The following PRDM6 variants were observed in gnomAD, a reference collection of about 807,000 sequenced individuals.
The protein encoded by PRDM6 is PR/SET domain 6.
In PRDM6, 25 loss-of-function variants were observed where a neutral mutation model predicts 60.8. The observed-to-expected ratio is 0.41, with a 90% CI of 0.30 to 0.57. The LOEUF is 0.57. PRDM6 is among the 20% of genes least tolerant of loss of function. The pLI, the probability that PRDM6 is intolerant of heterozygous loss-of-function variation, is 0.27. For synonymous variants in PRDM6, 407 were observed against 357.4 expected, an observed-to-expected ratio of 1.14 and a Z score of -1.57; for missense variants, 839 against 821.3, an observed-to-expected ratio of 1.02 and a Z score of -0.26.
rs1211791710 is a variant in PRDM6 at position 123,173,608 on chromosome 5, G to C, written c.1496+2500G>C. 2.4e-5 allele frequency: 4 copies of C among 166,398 alleles called. No homozygotes were observed. In the Admixed American group the frequency reaches 2.6e-4, roughly 11 times the overall value. 10.3% of individuals were successfully genotyped at this position (166,398 alleles called of 1,614,324 possible). ...GGTGTTCACCATCATTCTTGAATAA[G>C]TTAAAATAAAAAATTACTTCAAAAG... On this transcript the variant is annotated intron_variant, in intron 6 of 7. Coordinates refer to ENST00000407847, the MANE Select transcript of PRDM6 (RefSeq NM_001136239.4).
chr5:123,122,164 C>CAAAAAAA lies in PRDM6; in HGVS notation c.900+22219_900+22225dup, dbSNP rs138619125. Among the ~76,000 whole-genome samples the CAAAAAAA allele has an allele frequency of 1.0e-4, 10 of 98,884 alleles. 1 individual carries two copies. Among genetic ancestry groups the CAAAAAAA allele is most frequent in the Admixed American group, 1.4e-4 (1 of 7,024 alleles). 64.9% of individuals were successfully genotyped at this position (98,884 alleles called of 152,430 possible). On this transcript the variant is annotated intron_variant, in intron 3 of 7. Transcript: ENST00000407847. ...GGCGACAGTGCGAGACTCCATCTGA[C>CAAAAAAA]AAAAAAAAAAAAAAAAAAAAAAGAA...
At chr5:123,169,871 G>A (rs1324896750) in intron 5 of PRDM6, among the ~76,000 whole-genome samples, 1 of 152,132 alleles carries the variant, frequency 6.6e-6, no homozygotes, top group Non-Finnish European at 1.5e-5. Context: ...CTAATAAGAG[G>A]AAGAGGCAGG....
intron 2 of PRDM6, among the ~76,000 whole-genome samples, chr5:123,091,591 C>G (rs1235928038): frequency 1.3e-5 from 2 of 152,200 alleles, no homozygotes; most frequent in African/African-American, 4.8e-5. Context: ...ATACCTGCTT[C>G]TTTTTGATAA....
intron 7 of PRDM6, among the ~76,000 whole-genome samples, chr5:123,186,188 A>G (rs1406800773): frequency 6.6e-6 from 1 of 152,156 alleles, no homozygotes; most frequent in Non-Finnish European, 1.5e-5. Flanking sequence ...TACACACACA[A>G]TCACAATCAG....
chr5:123,137,140 T>C (rs1414979292), intron 3 of PRDM6, among the ~76,000 whole-genome samples: 1 of 152,222 alleles, frequency 6.6e-6, no homozygotes, highest in Non-Finnish European at 1.5e-5. Flanking sequence ...GTGTTTGCTG[T>C]CATTTCACAA....
rs573354042 is a variant in PRDM6, at chr5:123,099,583, C to G, written c.593-71C>G. On this transcript the variant is annotated intron_variant, in intron 2 of 7. Transcript: ENST00000407847. The surrounding 1 kb of genome is among the most constrained non-coding windows in gnomAD (Gnocchi z 4.0). The stretch of plus-strand genomic sequence containing the variant: ...GTGATGCTGTTGTCTCGGGAGTTTA[C>G]TCAAAGATGGGCCGCTCGGGGCGGC... 448 of 1,368,732 alleles carry G rather than the reference C, an allele frequency of 3.3e-4. No homozygotes were observed. Among genetic ancestry groups the G allele is most frequent in the Middle Eastern group, 8.1e-4 (3 of 3,722 alleles). 84.8% of individuals were successfully genotyped at this position (1,368,732 alleles called of 1,614,324 possible). A position where few individuals can be genotyped will look rare whatever the true frequency, so the allele number is the denominator to read the frequency against.
intron 3 of PRDM6, among the ~76,000 whole-genome samples, chr5:123,137,991 T>C (rs1002240830): frequency 2.0e-5 from 3 of 149,512 alleles, no homozygotes; most frequent in African/African-American, 7.4e-5. Context: ...CGAATGCTGA[T>C]GCTGAAGTAT....
intron 3 of PRDM6, among the ~76,000 whole-genome samples, chr5:123,111,453 C>T (rs895255296): frequency 1.3e-5 from 2 of 152,216 alleles, no homozygotes; most frequent in African/African-American, 4.8e-5. Context: ...AATCCCAACA[C>T]TTTGGGAGGC....
chr5:123,128,469 C>A (rs1256735634), intron 3 of PRDM6, among the ~76,000 whole-genome samples: 1 of 152,224 alleles, frequency 6.6e-6, no homozygotes, highest in Non-Finnish European at 1.5e-5. Flanking sequence ...TTGTAACTGG[C>A]GTGAGATGGT....
At chr5:123,117,019 A>C (rs443796) in intron 3 of PRDM6, among the ~76,000 whole-genome samples, 1 of 152,062 alleles carries the variant, frequency 6.6e-6, no homozygotes, top group African/African-American at 2.4e-5. Flanking sequence ...TTGTACCCTA[A>C]TAAGCTGGCT....
intron 3 of PRDM6, among the ~76,000 whole-genome samples, chr5:123,111,889 T>C (rs1004903170): frequency 6.6e-6 from 1 of 152,152 alleles, no homozygotes; most frequent in Non-Finnish European, 1.5e-5. Context: ...GTCTCTACCT[T>C]GCCTTCGCCC....
intron 2 of PRDM6, among the ~76,000 whole-genome samples, chr5:123,093,796 G>A (rs1160008114): frequency 6.6e-6 from 1 of 152,154 alleles, no homozygotes; most frequent in Non-Finnish European, 1.5e-5. Context: ...GTCACAGGGC[G>A]CGCCTGGCGT....
intron 3 of PRDM6, among the ~76,000 whole-genome samples, chr5:123,126,863 G>T (rs1764704853): frequency 1.3e-5 from 2 of 152,032 alleles, no homozygotes; most frequent in African/African-American, 4.8e-5. Context: ...TGTCTATATA[G>T]TTATTAATAA....
intron 2 of PRDM6, among the ~76,000 whole-genome samples, chr5:123,094,053 T>C (rs1048877315): frequency 3.3e-5 from 5 of 151,840 alleles, no homozygotes; most frequent in African/African-American, 1.2e-4. Context: ...TGCATGGGTG[T>C]GGGAGCGGGG....
intron 2 of PRDM6, 36 bp downstream of exon 2, chr5:123,090,642 CGCCG>C (rs1432674720): frequency 2.1e-6 from 1 of 478,732 alleles, no homozygotes; most frequent in South Asian, 2.0e-5. Context: ...TCTCCCGGGG[CGCCG>C]GCGCCGGCGC....
At chr5:123,132,760 C>T (rs1580505325) in intron 3 of PRDM6, among the ~76,000 whole-genome samples, 3 of 152,046 alleles carry the variant, frequency 2.0e-5, no homozygotes, top group Middle Eastern at 6.8e-3. Flanking sequence ...TTATTAACAT[C>T]ATTGTTTTGG....
intron 3 of PRDM6, among the ~76,000 whole-genome samples, chr5:123,131,975 G>T (rs909274520): frequency 1.3e-5 from 2 of 152,150 alleles, no homozygotes; most frequent in Non-Finnish European, 2.9e-5. Flanking sequence ...AATAGTAATA[G>T]TATCTGTTCC....
chr5:123,149,624 G>C (rs1379619787), intron 3 of PRDM6, among the ~76,000 whole-genome samples: 1 of 152,162 alleles, frequency 6.6e-6, no homozygotes, highest in East Asian at 1.9e-4. Context: ...ACTAAAAACT[G>C]ATTAACTTTA....
chr5:123,142,903 C>CAAAAAAAAAAAAAAAAAAAAA (rs1337695138), intron 3 of PRDM6, among the ~76,000 whole-genome samples: 1 of 68,128 alleles, frequency 1.5e-5, no homozygotes, highest in Non-Finnish European at 2.8e-5. Context: ...AAAAAAAAAA[C>CAAAAAAAAAAAAAAAAAAAAA]AAACAAACCA....
Sources: allele counts gnomAD v4.1 joint callset (sites outside exome capture counted in the v4.1 genomes callset), GRCh38; gene constraint gnomAD v4.1.1; non-coding constraint Gnocchi (gnomAD v3.1); transcripts MANE v1.5; gene names NCBI Gene and HGNC (gene_info 2026-07-23, HGNC 2026-07-21).